Variants in STK3 observed in about 807,000 individuals in gnomAD.
STK3 encodes the protein serine/threonine-protein kinase 3.
Under a neutral mutation model 58.0 loss-of-function variants are expected in STK3, and 41 were observed. That is an observed-to-expected ratio of 0.71 (90% CI 0.55 to 0.92). STK3 has a LOEUF of 0.92. Ranked by LOEUF, STK3 falls within the 40% of genes least tolerant of loss-of-function variation. STK3 has a pLI of 0.00. For missense variants in STK3, 479 were observed against 602.7 expected (o/e 0.79, Z 2.15); for synonymous variants, 170 against 191.0 (o/e 0.89, Z 0.91).
At chr8:98,715,593 C>T (rs1207977258) in intron 4 of STK3, among the ~76,000 whole-genome samples, 1 of 152,178 alleles carries the variant, frequency 6.6e-6, no homozygotes, top group African/African-American at 2.4e-5. Flanking sequence ...TACCATCTCA[C>T]ACCAGTTAGA....
chr8:98,738,367 G>A (rs915376414), intron 4 of STK3, among the ~76,000 whole-genome samples: 1 of 152,070 alleles, frequency 6.6e-6, no homozygotes, highest in African/African-American at 2.4e-5. Context: ...CAGCTACTAG[G>A]GAGGATGAGG....
chr8:98,376,403 C>A (rs7825906), intron 2 of STK3, among the ~76,000 whole-genome samples: 87,661 of 152,076 alleles, frequency 0.58, 26,808 homozygotes, highest in Non-Finnish European at 0.69. Flanking sequence ...GTGTCTGTCT[C>A]AGAGCACAAG....
At chr8:98,910,922 C>A (rs943515576) in intron 1 of STK3, among the ~76,000 whole-genome samples, 3 of 152,210 alleles carry the variant, frequency 2.0e-5, no homozygotes, top group African/African-American at 7.2e-5. Context: ...CCCACTCCAG[C>A]CAGCTTAGTG....
intron 6 of STK3, among the ~76,000 whole-genome samples, chr8:98,698,698 G>A (rs796345003): frequency 3.3e-5 from 5 of 152,126 alleles, no homozygotes; most frequent in South Asian, 2.1e-4. Flanking sequence ...GGCCCCCACT[G>A]TCTTCTGGCT....
intron 9 of STK3, among the ~76,000 whole-genome samples, chr8:98,527,313 A>G (rs1427342269): frequency 1.3e-5 from 2 of 151,956 alleles, no homozygotes; most frequent in Non-Finnish European, 2.9e-5. Context: ...GTTATTGTAC[A>G]TTTTCAGCTG....
At chr8:98,687,282 G>T (rs762615765) in intron 6 of STK3, among the ~76,000 whole-genome samples, 1 of 152,144 alleles carries the variant, frequency 6.6e-6, no homozygotes, top group Admixed American at 6.5e-5. Context: ...TGGAGGGGGT[G>T]GTTTAGGGAT....
At chr8:98,504,947 G>A (rs1033928782) in intron 10 of STK3, among the ~76,000 whole-genome samples, 2 of 152,110 alleles carry the variant, frequency 1.3e-5, no homozygotes, top group African/African-American at 4.8e-5. Flanking sequence ...ACCTTGCTAG[G>A]TTGGGGAAGT....
chr8:98,497,063 C>T (rs1176657226), intron 10 of STK3, among the ~76,000 whole-genome samples: 2 of 152,040 alleles, frequency 1.3e-5, no homozygotes, highest in African/African-American at 4.8e-5. Context: ...TACGGAGCTA[C>T]AGCAATCAAG....
At chr8:98,620,233 G>GCATATTC (rs1018050868) in intron 6 of STK3, among the ~76,000 whole-genome samples, 8 of 101,238 alleles carry the variant, frequency 7.9e-5, no homozygotes, top group Non-Finnish European at 1.6e-4. Context: ...ACCAAACACC[G>GCATATTC]CATATTCTCA....
intron 10 of STK3, among the ~76,000 whole-genome samples, chr8:98,501,431 G>A (rs1048472378): frequency 2.6e-5 from 4 of 152,010 alleles, no homozygotes; most frequent in African/African-American, 9.7e-5. Context: ...TGTCTATTTT[G>A]GTTTTTGTTG....
intron 6 of STK3, among the ~76,000 whole-genome samples, chr8:98,643,267 C>A (rs1267012631): frequency 6.6e-6 from 1 of 152,104 alleles, no homozygotes; most frequent in Non-Finnish European, 1.5e-5. Flanking sequence ...AAAAAATAAA[C>A]TTACCTTGAG....
chr8:98,695,579 C>T (rs1003504439), intron 6 of STK3, among the ~76,000 whole-genome samples: 1 of 152,170 alleles, frequency 6.6e-6, no homozygotes, highest in African/African-American at 2.4e-5. Flanking sequence ...AGCCAGTTTT[C>T]CCAGCACCAT....
chr8:98,425,782 G>A (rs995658184), intron 3 of STK3, among the ~76,000 whole-genome samples: 1 of 152,226 alleles, frequency 6.6e-6, no homozygotes, highest in Non-Finnish European at 1.5e-5. Flanking sequence ...GGCATTGCCA[G>A]GATTGCGTAA....
At chr8:98,377,167 C>T (rs1817684794) in intron 2 of STK3, among the ~76,000 whole-genome samples, 1 of 152,162 alleles carries the variant, frequency 6.6e-6, no homozygotes, top group Non-Finnish European at 1.5e-5. Context: ...TTCCCCTTAA[C>T]CTTATCTACC....
At chr8:98,512,723 A>G (rs1824613833) in intron 10 of STK3, among the ~76,000 whole-genome samples, 1 of 152,200 alleles carries the variant, frequency 6.6e-6, no homozygotes, top group African/African-American at 2.4e-5. Flanking sequence ...CTTAGATAGC[A>G]TGAATTCTGA....
intron 1 of STK3, among the ~76,000 whole-genome samples, chr8:98,812,803 G>A (rs147327499): frequency 3.3e-5 from 5 of 152,164 alleles, no homozygotes; most frequent in East Asian, 1.9e-4. Flanking sequence ...AGCAAACACC[G>A]CATGTTCTCA....
exon 1 of STK3, chr8:98,942,577 G>T (rs1840476928): frequency 6.6e-6 from 1 of 152,224 alleles, no homozygotes; most frequent in South Asian, 2.1e-4. Flanking sequence ...TGCACCCAAC[G>T]TACACATACT....
chr8:98,556,996 T>C (rs1811638992), intron 8 of STK3, among the ~76,000 whole-genome samples: 1 of 152,152 alleles, frequency 6.6e-6, no homozygotes. Context: ...CACCAGTTAT[T>C]TGTAATCAAA....
intron 8 of STK3, among the ~76,000 whole-genome samples, chr8:98,561,246 T>C (rs550964590): frequency 2.0e-5 from 3 of 151,516 alleles, no homozygotes; most frequent in South Asian, 4.2e-4. Context: ...AGGCAACTCA[T>C]TGGAGAAAGA....
Sources: allele counts gnomAD v4.1 joint callset (sites outside exome capture counted in the v4.1 genomes callset), GRCh38; gene constraint gnomAD v4.1.1; transcripts MANE v1.5; gene names NCBI Gene and HGNC (gene_info 2026-07-23, HGNC 2026-07-21).